Variants in CNTNAP5 observed in about 807,000 individuals in gnomAD.
The protein encoded by CNTNAP5 is contactin-associated protein-like 5.
A neutral mutation model predicts 150.2 loss-of-function variants in CNTNAP5; 72 were observed. The ratio of observed to expected loss-of-function variants is 0.48; its 90% CI spans 0.40 to 0.58. The LOEUF (loss-of-function observed/expected upper bound fraction) is 0.58. Ranked by LOEUF, CNTNAP5 falls within the 20% of genes least tolerant of loss-of-function variation. The pLI is 0.00. For synonymous variants in CNTNAP5, 672 were observed against 619.8 expected (o/e 1.08, Z -1.25); for missense variants, 1,636 against 1,626.2 (o/e 1.01, Z -0.10).
intron 3 of CNTNAP5, among the ~76,000 whole-genome samples, chr2:124,404,148 A>G (rs1691506012): frequency 6.6e-6 from 1 of 152,144 alleles, no homozygotes; most frequent in African/African-American, 2.4e-5. Flanking sequence ...CTTAACATGG[A>G]CCCTTAGGCA....
chr2:124,257,310 C>A (rs1261798156), intron 3 of CNTNAP5, among the ~76,000 whole-genome samples: 1 of 152,230 alleles, frequency 6.6e-6, no homozygotes, highest in African/African-American at 2.4e-5. Flanking sequence ...TAACTCTGAG[C>A]TCCTCTGCTA....
intron 3 of CNTNAP5, among the ~76,000 whole-genome samples, chr2:124,364,141 A>T (rs1241275622): frequency 6.6e-6 from 1 of 152,102 alleles, no homozygotes; most frequent in Non-Finnish European, 1.5e-5. Context: ...GATGCATGAA[A>T]CTTCCTGAGA....
chr2:124,419,956 CCTTT>C (rs762234973), intron 4 of CNTNAP5, among the ~76,000 whole-genome samples: 6,693 of 83,772 alleles, frequency 0.08, 391 homozygotes, highest in African/African-American at 0.12. Flanking sequence ...TTCTTTCTTT[CCTTT>C]TCTCTCTCTC....
chr2:124,602,731 G>T (rs1048097143), intron 11 of CNTNAP5, among the ~76,000 whole-genome samples: 1 of 152,150 alleles, frequency 6.6e-6, no homozygotes, highest in African/African-American at 2.4e-5. Context: ...AGCCTCAAGT[G>T]ATTGTGCCAC....
intron 19 of CNTNAP5, among the ~76,000 whole-genome samples, chr2:124,804,471 C>T (rs960735133): frequency 6.6e-6 from 1 of 152,162 alleles, no homozygotes; most frequent in African/African-American, 2.4e-5. Flanking sequence ...TGAACCACCC[C>T]CTTCCCAAAA....
chr2:124,498,984 A>C (rs1694214327), intron 7 of CNTNAP5, among the ~76,000 whole-genome samples: 1 of 152,144 alleles, frequency 6.6e-6, no homozygotes. Context: ...TCTAGAATTG[A>C]CTTACCTCTG....
intron 11 of CNTNAP5, among the ~76,000 whole-genome samples, chr2:124,582,203 G>A (rs926142991): frequency 3.9e-5 from 6 of 152,022 alleles, no homozygotes; most frequent in South Asian, 2.1e-4. Flanking sequence ...GCTGTGTCTC[G>A]TGTCTGTCAT....
At position 124,774,214 on chromosome 2, in the gene CNTNAP5, A is replaced by AT. The variant is rs370255089; in HGVS notation, c.2752+1207dup. On this transcript the variant is annotated intron_variant, in intron 17 of 23. Transcript: ENST00000682447. ...ACTTTGTTTCCTTTTTTGTTTATTTATTTTTTTTTTGCCAACTCCCACACT... is the reference window on the plus strand; with the variant it reads ...ACTTTGTTTCCTTTTTTGTTTATTTATTTTTTTTTTTGCCAACTCCCACACT... Among the ~76,000 whole-genome samples the AT allele has an allele frequency of 8.8e-3, 1,307 of 149,000 alleles. 19 individuals are homozygous for AT. The highest frequency in any genetic ancestry group is 0.028 in the African/African-American group (1,133 of 40,644).
In CNTNAP5 at chr2:124,805,072, T is replaced by C. The variant is rs558119358; in HGVS notation, c.3217+6752T>C. ...CCTCTTTGTATGAAATACTCCTCTT[T>C]GTAATGAAAATGTGCAGTGCGTAGA... On this transcript the variant is annotated intron_variant, in intron 19 of 23. Transcript: ENST00000682447. 8.5e-5 allele frequency among the ~76,000 whole-genome samples: 13 copies of C among 152,214 alleles called. No homozygotes were observed. In the South Asian group the frequency reaches 1.7e-3, roughly 19 times the overall value.
At chr2:124,420,861 A>G (rs533862127) in intron 4 of CNTNAP5, among the ~76,000 whole-genome samples, 22 of 152,182 alleles carry the variant, frequency 1.4e-4, no homozygotes, top group Non-Finnish European at 2.2e-4. Context: ...ATATATAAGT[A>G]TCTACTGGTT....
intron 19 of CNTNAP5, among the ~76,000 whole-genome samples, chr2:124,822,780 A>G (rs576205191): frequency 6.6e-6 from 1 of 152,292 alleles, no homozygotes; most frequent in East Asian, 1.9e-4. Context: ...GAAAACTTTC[A>G]TGGGGTATTC....
At chr2:124,899,702 T>A (rs1678377132) in intron 21 of CNTNAP5, among the ~76,000 whole-genome samples, 1 of 151,388 alleles carries the variant, frequency 6.6e-6, no homozygotes, top group South Asian at 2.1e-4. Flanking sequence ...TTTTGTCAGC[T>A]TTTGAGGAGC....
chr2:124,587,902 A>C (rs1454086052), intron 11 of CNTNAP5, among the ~76,000 whole-genome samples: 1 of 152,198 alleles, frequency 6.6e-6, no homozygotes, highest in East Asian at 1.9e-4. Context: ...AGAGGAGAGA[A>C]GAAATATATA....
chr2:124,660,806 C>T (rs1678571818), intron 13 of CNTNAP5, among the ~76,000 whole-genome samples: 1 of 151,758 alleles, frequency 6.6e-6, no homozygotes, highest in Non-Finnish European at 1.5e-5. Context: ...GAGCTGGGCA[C>T]TGTGGCTCAA....
chr2:124,840,903 A>G (rs1682931325), intron 19 of CNTNAP5, among the ~76,000 whole-genome samples: 1 of 152,120 alleles, frequency 6.6e-6, no homozygotes, highest in South Asian at 2.1e-4. Flanking sequence ...GGACCAAGCA[A>G]TGTGCAGACC....
rs553217993 is a variant in CNTNAP5, at chr2:124,312,619, G to A, written c.381+70226G>A. On this transcript the variant is annotated intron_variant, in intron 3 of 23. Transcript: ENST00000682447. ...GGAGTCTCGCTCTTTCGCCCAGGCCGGACTGCAGTGGCACTACCTCGGCTC... is the reference window on the plus strand; with the variant it reads ...GGAGTCTCGCTCTTTCGCCCAGGCCAGACTGCAGTGGCACTACCTCGGCTC... Among the ~76,000 whole-genome samples the A allele has an allele frequency of 3.3e-5, 5 of 152,248 alleles. No individual in the cohort carries two copies. In the East Asian group the frequency reaches 7.7e-4, roughly 24 times the overall value.
At chr2:124,834,388 C>CTG (rs5834088) in intron 19 of CNTNAP5, among the ~76,000 whole-genome samples, 6 of 151,960 alleles carry the variant, frequency 3.9e-5, no homozygotes, top group African/African-American at 1.4e-4. Context: ...ACCAGCTGTA[C>CTG]TCTCTGAAAA....
intron 1 of CNTNAP5, among the ~76,000 whole-genome samples, chr2:124,119,738 C>T (rs1298128351): frequency 6.6e-6 from 1 of 151,958 alleles, no homozygotes; most frequent in Non-Finnish European, 1.5e-5. Flanking sequence ...CAAAATCCCA[C>T]CCCTTAAAGA....
At chr2:124,494,117 G>A (rs545465225) in intron 7 of CNTNAP5, among the ~76,000 whole-genome samples, 2 of 138,344 alleles carry the variant, frequency 1.4e-5, no homozygotes, top group African/African-American at 5.2e-5. Flanking sequence ...TGGGTGGGGG[G>A]GTAGGGGAAA....
Sources: gnomAD v4.1 joint callset for allele counts (sites outside exome capture counted in the v4.1 genomes callset) on GRCh38, gnomAD v4.1.1 for gene constraint, MANE v1.5 for transcripts, NCBI Gene and HGNC (gene_info 2026-07-23, HGNC 2026-07-21) for gene names.